The following PIEZO1 variants were observed in gnomAD, a reference collection of about 807,000 sequenced individuals.
PIEZO1 encodes piezo-type mechanosensitive ion channel component 1.
PIEZO1 carries 296 observed loss-of-function variants against 297.2 expected under a neutral mutation model. The ratio of observed to expected loss-of-function variants is 1.00; its 90% CI spans 0.91 to 1.10. The LOEUF is 1.10. Among genes scored for constraint, PIEZO1 ranks in the 50% least tolerant of loss-of-function variants. The pLI is 0.00. For missense variants in PIEZO1, 5,018 were observed against 3,455.5 expected, an observed-to-expected ratio of 1.45 and a Z score of -11.34; for synonymous variants, 2,427 against 1,507.5, an observed-to-expected ratio of 1.61 and a Z score of -14.13.
chr16:88,737,478 G>A (rs993219333), intron 10 of PIEZO1, 81 bp downstream of exon 10: 72 of 958,274 alleles, frequency 7.5e-5, no homozygotes, highest in Non-Finnish European at 9.0e-5. Context: ...ATGCGAGAGC[G>A]CCAGGCGGCC....
chr16:88,720,107 G>A lies in PIEZO1; in HGVS notation c.6126C>T (p.His2042=), dbSNP rs1186298843. 3 of 1,550,288 alleles carry A rather than the reference G, an allele frequency of 1.9e-6. No homozygotes were observed. The highest frequency in any genetic ancestry group is 3.9e-5 in the Admixed American group (2 of 50,992). The part of the protein sequence containing the change: ...AFQVALVLAI[H]LWMFFILPAV... Reference sequence around the variant, plus strand: ...CGGGCAGGATGAAGAACATCCATAGGTGGATGGCCAGCACCAGCGCCACCT... The same window carrying A: ...CGGGCAGGATGAAGAACATCCATAGATGGATGGCCAGCACCAGCGCCACCT... The change falls in exon 42 of 51, where the codon CAC becomes CAT. Residue 2042 remains histidine, a synonymous_variant. Coordinates refer to ENST00000301015, the MANE Select transcript of PIEZO1 (RefSeq NM_001142864.4).
At chr16:88,750,112 A>G (rs566132906) in intron 1 of PIEZO1, among the ~76,000 whole-genome samples, 45 of 151,944 alleles carry the variant, frequency 3.0e-4, no homozygotes, top group African/African-American at 1.1e-3. Flanking sequence ...CAGCAGGAGG[A>G]TCACCTGAGG....
intron 1 of PIEZO1, among the ~76,000 whole-genome samples, chr16:88,760,378 G>C (rs1365467675): frequency 6.6e-6 from 1 of 152,232 alleles, no homozygotes; most frequent in Non-Finnish European, 1.5e-5. Context: ...TATACTCTCT[G>C]TCCAGCAATG....
rs759031982 is a variant in PIEZO1 at position 88,721,166 on chromosome 16, C to G, written c.5668G>C (p.Glu1890Gln). Reference sequence around the variant, plus strand: ...AGGTTGTGAGGCAGGGCGCTTATACCGATGGCTGCCGCTCCTTTCCGTGCT... The same window carrying G: ...AGGTTGTGAGGCAGGGCGCTTATACGGATGGCTGCCGCTCCTTTCCGTGCT... ...GPARKGAAAIEAEDREEEEGE... is the reference protein window; with the variant it reads ...GPARKGAAAIQAEDREEEEGE... The change falls in exon 39 of 51, where the codon GAA (glutamate) becomes CAA (glutamine). Residue 1890 changes from glutamate (E) to glutamine (Q), a missense_variant and splice_region_variant. Transcript: ENST00000301015. 1 of 1,499,386 alleles carries G rather than the reference C, an allele frequency of 6.7e-7. No individual in the cohort carries two copies. The highest frequency in any genetic ancestry group is 1.4e-5 in the African/African-American group (1 of 71,634). The allele number at this position is 1,499,386 out of a possible 1,614,324, so 92.9% of individuals were successfully genotyped here. A position where few individuals can be genotyped will look rare whatever the true frequency, so the allele number is the denominator to read the frequency against.
At chr16:88,738,990 G>C in intron 5 of PIEZO1, 1 of 565,048 alleles carries the variant, frequency 1.8e-6, no homozygotes, top group Non-Finnish European at 3.2e-6. Context: ...CGAAGACCCA[G>C]GGTCTGTCCT....
rs748928863 is a variant in PIEZO1, at chr16:88,722,882, G to A, written c.4623C>T (p.Asp1541=). The A allele has an allele frequency of 1.7e-5, 27 of 1,548,578 alleles. No individual in the cohort carries two copies. The highest frequency in any genetic ancestry group is 4.1e-5 in the African/African-American group (3 of 73,020). ...GGAGGTAGCGCTCTGCCCGCAGCAC[G>A]TCGCTCATGGTGCCGTGGTGCCGGG... is the stretch of plus-strand genomic sequence containing the variant. ...EFTRHHGTMS[D]VLRAERYLLT... Residue 1541 remains aspartate, a synonymous_variant, in exon 34 of 51, where the codon GAC becomes GAT. Coordinates refer to ENST00000301015, the MANE Select transcript of PIEZO1 (RefSeq NM_001142864.4).
In PIEZO1 at chr16:88,732,636, T is replaced by C; in HGVS notation, c.2761A>G (p.Lys921Glu). 6.5e-7 allele frequency: 1 copy of C among 1,549,624 alleles called. No homozygotes were observed. Among genetic ancestry groups the C allele is most frequent in the South Asian group, 1.2e-5 (1 of 84,002 alleles). The change falls in exon 20 of 51, where the codon AAA becomes GAA. Residue 921 changes from lysine (K) to glutamate (E), a missense_variant. Transcript: ENST00000301015. ...VDPANWFGVR[K>E]GFPNLGYIQN... ...ATGTAGCCCAGGTTGGGGAACCCTT[T>C]CCGCACCCCAAACCAGTTGGCAGGG...
At position 88,735,126 on chromosome 16, in the gene PIEZO1, A is replaced by G. The variant is rs890241267; in HGVS notation, c.1669+9T>C. On this transcript the variant is annotated intron_variant, in intron 13 of 50. Coordinates refer to ENST00000301015, the MANE Select transcript of PIEZO1 (RefSeq NM_001142864.4). ...GGAGGGCAACCCCCGCCTCTGGCCC[A>G]CCACTCACCTGTGTCTGCCACGGTG... 2.3e-5 allele frequency: 35 copies of G among 1,549,788 alleles called. No individual in the cohort carries two copies. The highest frequency in any genetic ancestry group is 2.8e-5 in the Non-Finnish European group (32 of 1,146,440).
At chr16:88,764,370 G>C (rs1163692121) in intron 1 of PIEZO1, among the ~76,000 whole-genome samples, 1 of 152,152 alleles carries the variant, frequency 6.6e-6, no homozygotes. Context: ...AGATTCTTAG[G>C]CTGAGGTTCA....
rs1056839552 is a variant in PIEZO1, at chr16:88,719,376, G to A, written c.6471+198C>T. 6 of 589,570 alleles carry A rather than the reference G, an allele frequency of 1.0e-5. No individual in the cohort carries two copies. In the Admixed American group the frequency reaches 1.8e-4, roughly 18 times the overall value. The allele number at this position is 589,570 out of a possible 1,614,324, so 36.5% of individuals were successfully genotyped here. A position where few individuals can be genotyped will look rare whatever the true frequency, so the allele number is the denominator to read the frequency against. On this transcript the variant is annotated intron_variant, in intron 44 of 50. Transcript: ENST00000301015. ...AGGACCAACTCCGCTGCCCACTTCT[G>A]CGCCCAGCACTCACTCGCAGCTGCC...
intron 1 of PIEZO1, among the ~76,000 whole-genome samples, chr16:88,779,905 G>T (rs184171373): frequency 6.6e-6 from 1 of 152,224 alleles, no homozygotes; most frequent in Non-Finnish European, 1.5e-5. Context: ...GAGCCTTCCG[G>T]GGGGGACGGC....
chr16:88,716,087 G>C lies in PIEZO1; in HGVS notation c.7162C>G (p.Gln2388Glu). Residue 2388 changes from glutamine (Q) to glutamate (E), a missense_variant, in exon 50 of 51, where the codon CAG becomes GAG. Gln to Glu is a conservative substitution (Grantham distance 29, BLOSUM62 2). Transcript: ENST00000301015. ...EEADYLGVRI[Q>E]LRREQGAGAT... ...CCCGCACCCTGCTCCCTCCGCAGCT[G>C]GATACGCACGCCGAGGTAGTCGGCC... 1 of 1,548,934 alleles carries C rather than the reference G, an allele frequency of 6.5e-7. No individual in the cohort carries two copies. The highest frequency in any genetic ancestry group is 2.0e-5 in the Admixed American group (1 of 50,856).
chr16:88,747,129 G>A (rs919455658), intron 2 of PIEZO1, among the ~76,000 whole-genome samples: 1 of 152,036 alleles, frequency 6.6e-6, no homozygotes, highest in African/African-American at 2.4e-5. Flanking sequence ...ACTTTGGTAG[G>A]CTAAGGCAGG....
intron 1 of PIEZO1, among the ~76,000 whole-genome samples, chr16:88,773,613 T>G (rs1392577164): frequency 6.6e-6 from 1 of 152,096 alleles, no homozygotes; most frequent in African/African-American, 2.4e-5. Context: ...GACAGGCAGG[T>G]CGGGGGACTG....
intron 1 of PIEZO1, among the ~76,000 whole-genome samples, chr16:88,756,655 C>A (rs1220537363): frequency 6.6e-6 from 1 of 152,110 alleles, no homozygotes; most frequent in African/African-American, 2.4e-5. Context: ...GTAGTCCCAG[C>A]TACTTGGGAG....
chr16:88,758,910 G>A (rs1225712400), intron 1 of PIEZO1, among the ~76,000 whole-genome samples: 3 of 152,196 alleles, frequency 2.0e-5, no homozygotes, highest in Non-Finnish European at 4.4e-5. Flanking sequence ...AGAGTCAGAC[G>A]CCTACCATTC....
chr16:88,734,514 C>T lies in PIEZO1; in HGVS notation c.2022G>A (p.Gln674=), dbSNP rs1157760284. ...DEQLGDLGLE[Q]FSVSELFSSI... is the part of the protein sequence containing the mutation. ...TGGAGAAGAGCTCGGACACGCTGAA[C>T]TGCTCCAGGCCCAGGTCCCCCAGCC... The change falls in exon 16 of 51, where the codon CAG becomes CAA. Residue 674 remains glutamine, a synonymous_variant. Coordinates refer to ENST00000301015, the MANE Select transcript of PIEZO1 (RefSeq NM_001142864.4). The T allele has an allele frequency of 1.3e-6, 2 of 1,545,452 alleles. No individual in the cohort carries two copies. The highest frequency in any genetic ancestry group is 2.4e-5 in the East Asian group (1 of 40,868).
chr16:88,721,144 T>C, intron 39 of PIEZO1, 22 bp downstream of exon 39: 1 of 1,467,392 alleles, frequency 6.8e-7, no homozygotes, highest in African/African-American at 1.4e-5. Flanking sequence ...AGGCAGGAGG[T>C]TGTGAGGCAG....
At chr16:88,772,546 C>T (rs904194985) in intron 1 of PIEZO1, among the ~76,000 whole-genome samples, 1 of 152,008 alleles carries the variant, frequency 6.6e-6, no homozygotes, top group Admixed American at 6.6e-5. Flanking sequence ...TTTGGGAGGC[C>T]GAGGCAAGCA....
Sources: allele counts gnomAD v4.1 joint callset (sites outside exome capture counted in the v4.1 genomes callset), GRCh38; gene constraint gnomAD v4.1.1; transcripts MANE v1.5; gene names NCBI Gene and HGNC (gene_info 2026-07-23, HGNC 2026-07-21).